Variants in CTNNA3 observed in about 807,000 individuals in gnomAD.
CTNNA3 encodes catenin alpha-3.
Under a neutral mutation model 95.7 loss-of-function variants are expected in CTNNA3, and 76 were observed. The observed-to-expected ratio is 0.79, with a 90% confidence interval of 0.66 to 0.96. The LOEUF (loss-of-function observed/expected upper bound fraction) is 0.96. CTNNA3 is among the 40% of genes least tolerant of loss of function. The pLI, the probability that CTNNA3 is intolerant of heterozygous loss-of-function variation, is 0.00. For missense variants in CTNNA3, 1,191 were observed against 1,089.8 expected (o/e 1.09, Z -1.31); for synonymous variants, 431 against 374.4 (o/e 1.15, Z -1.74).
chr10:66,108,842 T>G (rs2082007405), intron 13 of CTNNA3, among the ~76,000 whole-genome samples: 2 of 152,222 alleles, frequency 1.3e-5, no homozygotes, highest in Admixed American at 1.3e-4. Flanking sequence ...CTGTGGAGAA[T>G]GTATAATCCT....
At chr10:66,980,539 A>G (rs942777) in intron 7 of CTNNA3, among the ~76,000 whole-genome samples, 109,170 of 138,954 alleles carry the variant, frequency 0.79, 42,294 homozygotes, top group East Asian at 0.99. Flanking sequence ...AGAATTGAAC[A>G]GGAACCAAAA....
At chr10:66,021,138 A>G (rs1796709959) in intron 15 of CTNNA3, among the ~76,000 whole-genome samples, 1 of 152,166 alleles carries the variant, frequency 6.6e-6, no homozygotes, top group Non-Finnish European at 1.5e-5. Context: ...TGTCACGGAC[A>G]TGACTTAAAG....
intron 11 of CTNNA3, among the ~76,000 whole-genome samples, chr10:66,447,895 C>A (rs1211073942): frequency 6.6e-6 from 1 of 152,090 alleles, no homozygotes; most frequent in Admixed American, 6.6e-5. Flanking sequence ...AGGCAACCTA[C>A]AAAATAGGAG....
intron 15 of CTNNA3, among the ~76,000 whole-genome samples, chr10:65,996,292 C>T (rs1032891028): frequency 1.3e-5 from 2 of 152,162 alleles, no homozygotes; most frequent in Admixed American, 1.3e-4. Flanking sequence ...CTGGGGAGCA[C>T]ATGCTTTGGC....
At chr10:67,356,315 A>T (rs1020270608) in intron 5 of CTNNA3, among the ~76,000 whole-genome samples, 2 of 152,008 alleles carry the variant, frequency 1.3e-5, no homozygotes, top group African/African-American at 2.4e-5. Context: ...CTTCCTCATC[A>T]TTGTAGAAAA....
chr10:66,013,190 C>T (rs924978275), intron 15 of CTNNA3, among the ~76,000 whole-genome samples: 6 of 152,162 alleles, frequency 3.9e-5, no homozygotes, highest in Admixed American at 6.5e-5. Context: ...TGTGAGCCAC[C>T]GTGCCTGGCC....
At chr10:65,983,765 CAGA>C (rs2078370545) in intron 16 of CTNNA3, among the ~76,000 whole-genome samples, 1 of 151,278 alleles carries the variant, frequency 6.6e-6, no homozygotes, top group Non-Finnish European at 1.5e-5. Flanking sequence ...GAAAATTAAA[CAGA>C]AGGTTTTAGT....
chr10:66,766,206 G>A (rs1839844386), intron 9 of CTNNA3, 58 bp downstream of exon 9: 1 of 1,547,126 alleles, frequency 6.5e-7, no homozygotes, highest in Admixed American at 1.7e-5. Flanking sequence ...AACCATAAAT[G>A]GAGAATGGGA....
intron 1 of CTNNA3, among the ~76,000 whole-genome samples, chr10:67,664,418 T>G (rs1343501556): frequency 6.6e-6 from 1 of 152,214 alleles, no homozygotes; most frequent in Non-Finnish European, 1.5e-5. Flanking sequence ...ATATTTATAA[T>G]CTAATATACT....
chr10:66,536,151 G>C (rs1841646730), intron 10 of CTNNA3, among the ~76,000 whole-genome samples: 1 of 151,430 alleles, frequency 6.6e-6, no homozygotes, highest in African/African-American at 2.4e-5. Context: ...GAGAGAGAGA[G>C]AGAGAGAGAG....
chr10:66,438,693 C>T (rs567037054), intron 11 of CTNNA3, among the ~76,000 whole-genome samples: 21 of 152,168 alleles, frequency 1.4e-4, no homozygotes, highest in East Asian at 3.9e-4. Flanking sequence ...CCCTTTCCAG[C>T]GGAGTAAATG....
intron 7 of CTNNA3, among the ~76,000 whole-genome samples, chr10:67,090,773 C>T (rs577635560): frequency 6.6e-6 from 1 of 152,182 alleles, no homozygotes; most frequent in African/African-American, 2.4e-5. Context: ...ATGCCCACAG[C>T]TTCTTCAGGT....
intron 7 of CTNNA3, among the ~76,000 whole-genome samples, chr10:67,103,277 ACATTTTTCTTGACTGAGGAAAG>A (rs1858444305): frequency 6.6e-6 from 1 of 151,842 alleles, no homozygotes; most frequent in African/African-American, 2.4e-5. Context: ...GCCTGACTGA[ACATTTTTCTTGACTGAGGAAAG>A]CATACCAAAA....
intron 17 of CTNNA3, among the ~76,000 whole-genome samples, chr10:65,956,423 C>T (rs1040269449): frequency 3.3e-5 from 5 of 152,144 alleles, no homozygotes; most frequent in African/African-American, 4.8e-5. Context: ...TTCTTGCCTT[C>T]TGCTAGATTT....
chr10:66,045,554 C>G (rs1237113124), intron 15 of CTNNA3, among the ~76,000 whole-genome samples: 1 of 152,094 alleles, frequency 6.6e-6, no homozygotes, highest in Non-Finnish European at 1.5e-5. Flanking sequence ...CTAATGGAAA[C>G]TTCTTTTTAA....
At chr10:66,155,624 T>C (rs1435624315) in intron 13 of CTNNA3, among the ~76,000 whole-genome samples, 15 of 151,778 alleles carry the variant, frequency 9.9e-5, no homozygotes, top group Admixed American at 7.9e-4. Flanking sequence ...CTTAATACAT[T>C]GCACTAGGTC....
intron 7 of CTNNA3, among the ~76,000 whole-genome samples, chr10:66,991,980 C>T (rs188160349): frequency 3.7e-4 from 57 of 152,220 alleles, no homozygotes; most frequent in African/African-American, 1.3e-3. Context: ...CTTCTTTCAC[C>T]GTATAAATCC....
intron 7 of CTNNA3, among the ~76,000 whole-genome samples, chr10:66,933,781 T>C (rs940640023): frequency 2.0e-5 from 3 of 152,180 alleles, no homozygotes; most frequent in South Asian, 2.1e-4. Flanking sequence ...CAAAATTACA[T>C]CATTAATTCA....
intron 13 of CTNNA3, among the ~76,000 whole-genome samples, chr10:66,271,816 C>T (rs867841020): frequency 2.0e-5 from 3 of 152,298 alleles, no homozygotes; most frequent in Middle Eastern, 3.4e-3. Flanking sequence ...CTTCCCAGAA[C>T]GACTTCAAGC....
Sources: allele counts gnomAD v4.1 joint callset (sites outside exome capture counted in the v4.1 genomes callset), GRCh38; gene constraint gnomAD v4.1.1; transcripts MANE v1.5; gene names NCBI Gene and HGNC (gene_info 2026-07-23, HGNC 2026-07-21).